EIF3A: variants seen among roughly 807,000 people sequenced by gnomAD.
The protein encoded by EIF3A is eukaryotic translation initiation factor 3 subunit A.
In EIF3A, 21 loss-of-function variants were observed where a neutral mutation model predicts 186.6. The observed-to-expected ratio is 0.11, with a 90% CI of 0.08 to 0.16. The LOEUF is 0.16. Ranked by LOEUF, EIF3A falls within the 10% of genes least tolerant of loss-of-function variation. EIF3A has a pLI of 1.00. For missense variants in EIF3A, 1,306 were observed against 1,796.3 expected, an observed-to-expected ratio of 0.73 and a Z score of 4.93; for synonymous variants, 563 against 584.3, an observed-to-expected ratio of 0.96 and a Z score of 0.52.
intron 4 of EIF3A, among the ~76,000 whole-genome samples, chr10:119,071,763 C>T (rs1384712060): frequency 6.6e-6 from 1 of 152,262 alleles, no homozygotes; most frequent in African/African-American, 2.4e-5. Context: ...CGATGGCTCA[C>T]GCCTGTAATC....
Position 119,051,166 on chromosome 10 carries a change from G to C in EIF3A, c.2319+33C>G, listed in dbSNP as rs1416520862. On this transcript the variant is annotated intron_variant, in intron 15 of 21. Transcript: ENST00000369144. Reference sequence around the variant, plus strand: ...CTTAGGCCAATACTAGAAAGCTCATGAATAAACATTTCCCAAAAATCAGCA... The same window carrying C: ...CTTAGGCCAATACTAGAAAGCTCATCAATAAACATTTCCCAAAAATCAGCA... 17 of 1,581,412 alleles carry C rather than the reference G, an allele frequency of 1.1e-5. No homozygotes were observed. In the East Asian group the frequency reaches 3.6e-4, roughly 34 times the overall value.
rs1848221708 is a variant in EIF3A, at chr10:119,042,386, T to A, written c.3134A>T (p.Asp1045Val). ...AGCGCCTCCTCGCCTCGGCCCCCGG[T>A]CATCATCCATCCCACGTCTTGGTCC... The part of the protein sequence containing the change: ...DRGPRRGMDD[D>V]RGPRRGGADD... Residue 1045 changes from aspartate (D) to valine (V), a missense_variant, in exon 19 of 22, where the codon GAC (aspartate) becomes GTC (valine). Transcript: ENST00000369144. The surrounding 1 kb of genome is among the most constrained non-coding windows in gnomAD (Gnocchi z 7.8). 1 of 1,613,966 alleles carries A rather than the reference T, an allele frequency of 6.2e-7. No individual in the cohort carries two copies. Among genetic ancestry groups the A allele is most frequent in the Non-Finnish European group, 8.5e-7 (1 of 1,180,022 alleles).
chr10:119,064,515 G>T (rs1014195777), intron 7 of EIF3A, among the ~76,000 whole-genome samples: 14 of 152,046 alleles, frequency 9.2e-5, no homozygotes, highest in African/African-American at 3.1e-4. Context: ...AAAGTGTGTG[G>T]TACCTTCCCC....
chr10:119,044,304 C>T (rs560317174), intron 17 of EIF3A, among the ~76,000 whole-genome samples, 162 bp from the exon 18 acceptor site: 4 of 152,194 alleles, frequency 2.6e-5, no homozygotes, highest in Non-Finnish European at 2.9e-5. Context: ...ATCAGACTGA[C>T]GCTACAGGGA....
intron 7 of EIF3A, among the ~76,000 whole-genome samples, chr10:119,064,549 C>T (rs887111183): frequency 2.0e-5 from 3 of 152,174 alleles, no homozygotes; most frequent in Non-Finnish European, 4.4e-5. Context: ...CTGCTCCAGC[C>T]GTATAAGCCA....
Position 119,057,910 on chromosome 10 carries a change from A to G in EIF3A, c.1977+46T>C, listed in dbSNP as rs769848833. 1.5e-5 allele frequency: 22 copies of G among 1,483,444 alleles called. 1 individual carries two copies. The South Asian group carries it at 2.7e-4, about 18-fold the overall frequency. 91.9% of individuals were successfully genotyped at this position (1,483,444 alleles called of 1,614,324 possible). A position where few individuals can be genotyped will look rare whatever the true frequency, so the allele number is the denominator to read the frequency against. On this transcript the variant is annotated intron_variant, in intron 12 of 21. Coordinates refer to ENST00000369144, the MANE Select transcript of EIF3A (RefSeq NM_003750.4). ...AAGGACTGTGGTTCTAAGAGTACAA[A>G]ATACCTGGATAAAACTAATTTTTTA...
intron 3 of EIF3A, 82 bp downstream of exon 3, chr10:119,073,359 C>CCTCT: frequency 9.4e-7 from 1 of 1,060,156 alleles, no homozygotes; most frequent in East Asian, 2.4e-5. Context: ...TAAACATCTA[C>CCTCT]TTCAAAAGGA....
At chr10:119,070,492 T>A (rs570203323) in intron 5 of EIF3A, among the ~76,000 whole-genome samples, 1 of 152,292 alleles carries the variant, frequency 6.6e-6, no homozygotes, top group East Asian at 1.9e-4. Flanking sequence ...TTTATCAGAG[T>A]AAAAACACAC....
At chr10:119,067,194 C>T (rs1056890630) in intron 6 of EIF3A, among the ~76,000 whole-genome samples, 8 of 149,440 alleles carry the variant, frequency 5.4e-5, no homozygotes, top group African/African-American at 2.0e-4. Context: ...CCAGCTTGGG[C>T]AACAAGAGCA....
intron 14 of EIF3A, among the ~76,000 whole-genome samples, chr10:119,053,325 C>T (rs549434132): frequency 2.5e-4 from 38 of 152,216 alleles, no homozygotes; most frequent in Non-Finnish European, 4.9e-4. Context: ...TGAGCATACC[C>T]TTTGATGCTC....
rs528175003 is a variant in EIF3A, at chr10:119,074,939, A to G, written c.50-1002T>C. On this transcript the variant is annotated intron_variant, in intron 1 of 21. Coordinates refer to ENST00000369144, the MANE Select transcript of EIF3A (RefSeq NM_003750.4). ...AACTCAAAAAAAAAAAAAAAAAAAA[A>G]AAGGGAAAAAAATGGAATACAAAGC... 1.4e-4 allele frequency among the ~76,000 whole-genome samples: 21 copies of G among 146,076 alleles called. No homozygotes were observed. The South Asian group carries it at 4.5e-3, about 31-fold the overall frequency.
intron 1 of EIF3A, among the ~76,000 whole-genome samples, chr10:119,078,986 CTG>C (rs1844220019): frequency 6.6e-6 from 1 of 152,084 alleles, no homozygotes; most frequent in Non-Finnish European, 1.5e-5. Flanking sequence ...ATGCAAATGA[CTG>C]TAAAACATCG....
At chr10:119,040,978 CCAGATGA>C (rs1848200203) in intron 19 of EIF3A, among the ~76,000 whole-genome samples, 1 of 140,356 alleles carries the variant, frequency 7.1e-6, no homozygotes, top group South Asian at 2.3e-4. Context: ...TGCACTCCAG[CCAGATGA>C]CAGAGCGAGA....
Position 119,050,688 on chromosome 10 carries a change from A to G in EIF3A, c.2320-14T>C, listed in dbSNP as rs573584083. On this transcript the variant is annotated splice_polypyrimidine_tract_variant and intron_variant, in intron 15 of 21. Coordinates refer to ENST00000369144, the MANE Select transcript of EIF3A (RefSeq NM_003750.4). ...TTTAAGTTTTTCCTGCAATCGAAGT[A>G]ACCCCCAACCCAAAAAGGGCACACT... The G allele has an allele frequency of 6.2e-7, 1 of 1,613,640 alleles. No individual in the cohort carries two copies. Among genetic ancestry groups the G allele is most frequent in the East Asian group, 2.2e-5 (1 of 44,876 alleles).
chr10:119,058,834 G>A (rs1474831495), intron 11 of EIF3A, among the ~76,000 whole-genome samples: 2 of 152,172 alleles, frequency 1.3e-5, no homozygotes, highest in East Asian at 3.8e-4. Flanking sequence ...AATGAGCCGA[G>A]ATGGCATCAC....
intron 20 of EIF3A, among the ~76,000 whole-genome samples, chr10:119,037,986 G>A (rs614937): frequency 0.014 from 1,853 of 134,550 alleles, 33 homozygotes; most frequent in African/African-American, 0.045. Flanking sequence ...GCGCTATCTC[G>A]GCTCACCACA....
chr10:119,043,160 T>C (rs1307016836), intron 18 of EIF3A, among the ~76,000 whole-genome samples: 3 of 152,136 alleles, frequency 2.0e-5, no homozygotes, highest in East Asian at 3.8e-4. Context: ...GGCCCACACC[T>C]GTAATCCCAG....
intron 12 of EIF3A, 52 bp from the exon 13 acceptor site, chr10:119,057,092 C>T (rs771135443): frequency 2.0e-6 from 2 of 1,005,112 alleles, no homozygotes; most frequent in Non-Finnish European, 3.1e-6. Flanking sequence ...CAAGCAATGC[C>T]TAACATAACT....
chr10:119,059,876 C>T, intron 9 of EIF3A, 158 bp from the exon 10 acceptor site: 1 of 667,782 alleles, frequency 1.5e-6, no homozygotes, highest in Non-Finnish European at 2.7e-6. Flanking sequence ...ACCATCGACT[C>T]TAAACTCCAT....
Sources: allele counts gnomAD v4.1 joint callset (sites outside exome capture counted in the v4.1 genomes callset), GRCh38; gene constraint gnomAD v4.1.1; non-coding constraint Gnocchi (gnomAD v3.1); transcripts MANE v1.5; gene names NCBI Gene and HGNC (gene_info 2026-07-23, HGNC 2026-07-21).